Variants in EIPR1 observed in about 807,000 individuals in gnomAD.
EIPR1 encodes the protein EARP complex and GARP complex interacting protein 1.
In EIPR1, 25 loss-of-function variants were observed where a neutral mutation model predicts 48.1. The observed-to-expected ratio is 0.52, with a 90% CI of 0.38 to 0.73. The LOEUF (loss-of-function observed/expected upper bound fraction) is 0.73. Among genes scored for constraint, EIPR1 ranks in the 30% least tolerant of loss-of-function variants. The probability of loss-of-function intolerance (pLI) is 0.00; values close to 1 mark genes in which losing one functional copy is unlikely to be tolerated. For missense variants in EIPR1, 415 were observed against 506.2 expected (o/e 0.82, Z 1.73); for synonymous variants, 204 against 201.9 (o/e 1.01, Z -0.09).
intron 2 of EIPR1, among the ~76,000 whole-genome samples, chr2:3,341,095 C>CAAAAAAAAAAAAAAA (rs55667121): frequency 4.1e-4 from 9 of 22,200 alleles, no homozygotes; most frequent in East Asian, 7.6e-4. Context: ...GATCCTGTCT[C>CAAAAAAAAAAAAAAA]AAAAAAAAAA....
At chr2:3,273,908 G>A (rs911513510) in intron 3 of EIPR1, among the ~76,000 whole-genome samples, 4 of 152,180 alleles carry the variant, frequency 2.6e-5, no homozygotes, top group South Asian at 2.1e-4. Flanking sequence ...CGCAATGTTC[G>A]AAGAAATAAA....
At chr2:3,218,268 CCAGGTGCACACCCA>C (rs1665717617) in intron 4 of EIPR1, among the ~76,000 whole-genome samples, 1 of 99,308 alleles carries the variant, frequency 1.0e-5, no homozygotes. Context: ...TCACAGTGAC[CCAGGTGCACACCCA>C]ACACGGCCCT....
chr2:3,247,012 C>G (rs533231027), intron 4 of EIPR1, among the ~76,000 whole-genome samples: 25 of 6,186 alleles, frequency 4.0e-3, no homozygotes, highest in African/African-American at 0.018. Flanking sequence ...GAGGAGAGAG[C>G]GAGGGAGGGA....
At chr2:3,277,903 G>A (rs973915111) in intron 3 of EIPR1, among the ~76,000 whole-genome samples, 1 of 152,194 alleles carries the variant, frequency 6.6e-6, no homozygotes, top group African/African-American at 2.4e-5. Flanking sequence ...CTAACCAAGC[G>A]GCACTTCCTC....
intron 3 of EIPR1, among the ~76,000 whole-genome samples, chr2:3,294,414 C>CCA (rs199729079): frequency 6.9e-6 from 1 of 145,494 alleles, no homozygotes; most frequent in Non-Finnish European, 1.5e-5. Context: ...CCCATCCTCT[C>CCA]CACACACACA....
At chr2:3,223,039 T>C (rs762560953) in intron 4 of EIPR1, among the ~76,000 whole-genome samples, 2 of 151,956 alleles carry the variant, frequency 1.3e-5, no homozygotes, top group Non-Finnish European at 2.9e-5. Context: ...AGCCTCAGGG[T>C]CCTACAAACT....
At chr2:3,200,508 T>C (rs116559125) in intron 5 of EIPR1, among the ~76,000 whole-genome samples, 15 of 152,294 alleles carry the variant, frequency 9.8e-5, no homozygotes, top group African/African-American at 3.4e-4. Context: ...ATTGCATTCC[T>C]GCTGTGTGGG....
chr2:3,368,000 G>T (rs369195876), intron 1 of EIPR1, among the ~76,000 whole-genome samples: 1 of 152,090 alleles, frequency 6.6e-6, no homozygotes, highest in Non-Finnish European at 1.5e-5. Context: ...AGTTGAGATC[G>T]CGCCACTGCA....
intron 3 of EIPR1, among the ~76,000 whole-genome samples, chr2:3,295,433 A>G (rs1246523050): frequency 8.8e-6 from 1 of 113,182 alleles, no homozygotes; most frequent in African/African-American, 3.5e-5. Context: ...TCCTCTCTGC[A>G]CACACACACC....
chr2:3,209,483 G>A (rs375275434), intron 5 of EIPR1, among the ~76,000 whole-genome samples: 17 of 152,338 alleles, frequency 1.1e-4, no homozygotes, highest in African/African-American at 4.1e-4. Context: ...CAGGCACCTT[G>A]TGCATCTTAA....
chr2:3,330,927 A>G (rs72765350), intron 3 of EIPR1, among the ~76,000 whole-genome samples: 1 of 143,712 alleles, frequency 7.0e-6, no homozygotes, highest in Non-Finnish European at 1.5e-5. Flanking sequence ...GAGACTGGCA[A>G]GTGTACACTC....
At chr2:3,276,292 T>C (rs1447943501) in intron 3 of EIPR1, among the ~76,000 whole-genome samples, 1 of 152,266 alleles carries the variant, frequency 6.6e-6, no homozygotes, top group Non-Finnish European at 1.5e-5. Flanking sequence ...TTAGCTATTC[T>C]GGTGCATAAA....
intron 5 of EIPR1, among the ~76,000 whole-genome samples, chr2:3,206,945 T>C (rs1665256453): frequency 6.6e-6 from 1 of 152,188 alleles, no homozygotes; most frequent in Admixed American, 6.5e-5. Flanking sequence ...ATGTCTGAAC[T>C]GTAATGATCA....
intron 3 of EIPR1, among the ~76,000 whole-genome samples, chr2:3,303,172 G>C (rs1668811410): frequency 6.6e-6 from 1 of 152,194 alleles, no homozygotes; most frequent in African/African-American, 2.4e-5. Flanking sequence ...ACTTTTAGTT[G>C]CAATTCACAA....
At chr2:3,254,231 C>T (rs1233835543) in intron 4 of EIPR1, among the ~76,000 whole-genome samples, 2 of 152,170 alleles carry the variant, frequency 1.3e-5, no homozygotes, top group Non-Finnish European at 2.9e-5. Context: ...TAAAAGAACA[C>T]GCATGATGAC....
At chr2:3,205,143 C>A (rs756106311) in intron 5 of EIPR1, among the ~76,000 whole-genome samples, 4 of 152,138 alleles carry the variant, frequency 2.6e-5, no homozygotes, top group Non-Finnish European at 5.9e-5. Context: ...GGTTGTGCAC[C>A]CTGGGCTGCA....
chr2:3,194,961 G>A (rs954718865), intron 6 of EIPR1, among the ~76,000 whole-genome samples: 11 of 152,292 alleles, frequency 7.2e-5, no homozygotes, highest in Non-Finnish European at 1.0e-4. Context: ...CAGTGCGTGC[G>A]TTCTCACACT....
chr2:3,333,803 A>C (rs1182913035), intron 3 of EIPR1, among the ~76,000 whole-genome samples: 1 of 152,116 alleles, frequency 6.6e-6, no homozygotes, highest in Non-Finnish European at 1.5e-5. Context: ...TCTGTGAAGA[A>C]AGACACGGAA....
Position 3,335,512 on chromosome 2 carries a change from C to T in EIPR1, c.259+2505G>A, listed in dbSNP as rs115215507. On this transcript the variant is annotated intron_variant, in intron 3 of 8. Coordinates refer to ENST00000382125, the MANE Select transcript of EIPR1 (RefSeq NM_003310.5). Reference sequence around the variant, plus strand: ...GGGCAAGGGTGGAGGAGAGGGCAAACGGGGAAGAGTTATACGATGGTGGAG... The same window carrying T: ...GGGCAAGGGTGGAGGAGAGGGCAAATGGGGAAGAGTTATACGATGGTGGAG... Among the ~76,000 whole-genome samples the T allele has an allele frequency of 9.6e-3, 1,468 of 152,154 alleles. 27 individuals carry two copies. Among genetic ancestry groups the T allele is most frequent in the African/African-American group, 0.034 (1,395 of 41,502 alleles).
Sources: allele counts gnomAD v4.1 joint callset (sites outside exome capture counted in the v4.1 genomes callset), GRCh38; gene constraint gnomAD v4.1.1; transcripts MANE v1.5; gene names NCBI Gene and HGNC (gene_info 2026-07-23, HGNC 2026-07-21).